Variants in STARD13 observed in about 807,000 individuals in gnomAD.
The protein encoded by STARD13 is StAR related lipid transfer domain containing 13.
A neutral mutation model predicts 106.4 loss-of-function variants in STARD13; 62 were observed. The observed-to-expected ratio is 0.58, with a 90% CI of 0.48 to 0.72. The LOEUF (loss-of-function observed/expected upper bound fraction) is 0.72. STARD13 is among the 30% of genes least tolerant of loss of function. The pLI is 0.00. For missense variants in STARD13, 1,387 were observed against 1,424.0 expected (o/e 0.97, Z 0.42); for synonymous variants, 565 against 553.0 (o/e 1.02, Z -0.31).
the STARD13 span, among the ~76,000 whole-genome samples, chr13:33,467,502 C>T: frequency 1.3e-5 from 2 of 152,162 alleles, no homozygotes; most frequent in African/African-American, 4.8e-5. Context: ...AGGCCATGGA[C>T]TGGTATTTGT....
intron 8 of STARD13, among the ~76,000 whole-genome samples, chr13:33,116,803 C>G (rs112318553): frequency 6.7e-4 from 102 of 152,336 alleles, no homozygotes; most frequent in African/African-American, 2.3e-3. Flanking sequence ...CTTTGAAAAA[C>G]TAATATTTAC....
In STARD13 at chr13:33,109,925, A is replaced by G. The variant is rs1874277737; in HGVS notation, c.2995T>C (p.Tyr999His). 1 of 1,614,118 alleles carries G rather than the reference A, an allele frequency of 6.2e-7. No homozygotes were observed. The highest frequency in any genetic ancestry group is 1.3e-5 in the African/African-American group (1 of 74,938). ...TLDRQTEIYQ[Y>H]VLNSMAPHPS... ...TGGGGAGCCATGCTGTTCAGCACAT[A>G]CTGGTAGATCTCTGTTTGCCTGTCT... The change falls in exon 12 of 14, where the codon TAT becomes CAT. Residue 999 changes from tyrosine (Y) to histidine (H), a missense_variant. Transcript: ENST00000336934.
At chr13:33,438,094 G>A in the STARD13 span, among the ~76,000 whole-genome samples, 35 of 152,132 alleles carry the variant, frequency 2.3e-4, no homozygotes, top group African/African-American at 7.5e-4. Flanking sequence ...AGTCAACTAC[G>A]GTTGTTTCTT....
chr13:33,549,114 A>G, the STARD13 span, among the ~76,000 whole-genome samples: 1 of 152,228 alleles, frequency 6.6e-6, no homozygotes, highest in Non-Finnish European at 1.5e-5. Flanking sequence ...ATTAAAATAA[A>G]ACACAGAAAC....
the STARD13 span, among the ~76,000 whole-genome samples, chr13:33,402,556 AG>A: frequency 6.6e-6 from 1 of 152,226 alleles, no homozygotes; most frequent in Non-Finnish European, 1.5e-5. Flanking sequence ...GACCCTAAGT[AG>A]GAACAGGCAT....
At chr13:33,342,679 C>T (rs906629475) in intron 1 of STARD13, among the ~76,000 whole-genome samples, 49 of 151,946 alleles carry the variant, frequency 3.2e-4, no homozygotes, top group Admixed American at 2.4e-3. Context: ...CACAGAGGCA[C>T]GAGCCACCAT....
At chr13:33,481,937 C>A in the STARD13 span, among the ~76,000 whole-genome samples, 1 of 149,060 alleles carries the variant, frequency 6.7e-6, no homozygotes, top group Non-Finnish European at 1.5e-5. Context: ...GAGCCGAGAT[C>A]GCGCCACTAC....
the STARD13 span, among the ~76,000 whole-genome samples, chr13:33,415,851 C>T: frequency 6.6e-5 from 10 of 152,308 alleles, no homozygotes; most frequent in East Asian, 1.9e-4. Flanking sequence ...TTCTTACTAA[C>T]GCAATCTGTA....
rs769399943 is a variant in STARD13 at position 33,130,288 on chromosome 13, C to T, written c.389G>A (p.Gly130Asp). 5.6e-6 allele frequency: 9 copies of T among 1,598,898 alleles called. No individual in the cohort carries two copies. The South Asian group carries it at 9.9e-5, about 18-fold the overall frequency. Residue 130 changes from glycine (G) to aspartate (D), a missense_variant and splice_region_variant, in exon 5 of 14, where the codon GGT becomes GAT. By Grantham distance (94) the Gly-to-Asp change is moderately conservative (BLOSUM62 -1). Coordinates refer to ENST00000336934, the MANE Select transcript of STARD13 (RefSeq NM_178006.4). This position sits in a 1 kb window ranked among gnomAD's most constrained non-coding sequence, Gnocchi z 4.1. Reference sequence around the variant, plus strand: ...AAGATCTTCCTCATCGGAGTCGTCACCCTGCAGAGCACCAAGGAAAATGCT... The same window carrying T: ...AAGATCTTCCTCATCGGAGTCGTCATCCTGCAGAGCACCAAGGAAAATGCT... ...KLDVNFQRKK[G>D]DDSDEEDLCI...
chr13:33,210,928 A>G (rs369687754), intron 1 of STARD13, among the ~76,000 whole-genome samples: 1 of 152,154 alleles, frequency 6.6e-6, no homozygotes, highest in African/African-American at 2.4e-5. Context: ...TTTTGGTCAT[A>G]TATTTTGGTT....
At chr13:33,164,939 A>G (rs1883149211) in intron 3 of STARD13, among the ~76,000 whole-genome samples, 1 of 152,148 alleles carries the variant, frequency 6.6e-6, no homozygotes, top group South Asian at 2.1e-4. Context: ...CTCACCACAC[A>G]TGCTGAGCCT....
At chr13:33,603,654 T>TA in the STARD13 span, among the ~76,000 whole-genome samples, 1 of 152,004 alleles carries the variant, frequency 6.6e-6, no homozygotes, top group African/African-American at 2.4e-5. Flanking sequence ...CCTGGTCAAT[T>TA]AAAAAAAATT....
chr13:33,559,109 C>A, the STARD13 span, among the ~76,000 whole-genome samples: 10 of 151,644 alleles, frequency 6.6e-5, no homozygotes, highest in Non-Finnish European at 1.0e-4. Context: ...AAATGATTAG[C>A]AAAGACTGTT....
At chr13:33,630,793 CATCCTA>C in the STARD13 span, among the ~76,000 whole-genome samples, 31 of 152,260 alleles carry the variant, frequency 2.0e-4, no homozygotes, top group African/African-American at 7.2e-4. Context: ...TGAGTCCCAC[CATCCTA>C]ATCCTCCTTC....
chr13:33,573,274 G>A, the STARD13 span, among the ~76,000 whole-genome samples: 50 of 152,102 alleles, frequency 3.3e-4, no homozygotes, highest in African/African-American at 1.2e-3. Flanking sequence ...AAGTGTTACT[G>A]TTTGGATTCA....
chr13:33,495,894 A>G, the STARD13 span, among the ~76,000 whole-genome samples: 2 of 144,840 alleles, frequency 1.4e-5, no homozygotes, highest in East Asian at 2.0e-4. Context: ...ATAATTATAT[A>G]TAGTTATGTT....
the STARD13 span, among the ~76,000 whole-genome samples, chr13:33,366,412 T>G: frequency 1.3e-5 from 2 of 152,240 alleles, no homozygotes; most frequent in Non-Finnish European, 2.9e-5. This position sits in a 1 kb window ranked among gnomAD's most constrained non-coding sequence, Gnocchi z 4.2. Context: ...CTCCAAAACT[T>G]TCACTTTATT....
At chr13:33,463,828 G>C in the STARD13 span, among the ~76,000 whole-genome samples, 16 of 151,822 alleles carry the variant, frequency 1.1e-4, no homozygotes, top group Non-Finnish European at 1.9e-4. Context: ...CCTGGCTAAC[G>C]TGTCAAAACC....
chr13:33,391,122 C>T, the STARD13 span, among the ~76,000 whole-genome samples: 2 of 152,080 alleles, frequency 1.3e-5, no homozygotes, highest in Non-Finnish European at 2.9e-5. Flanking sequence ...TAAGAAAATT[C>T]ACCAAGAATA....
Sources: allele counts gnomAD v4.1 joint callset (sites outside exome capture counted in the v4.1 genomes callset), GRCh38; gene constraint gnomAD v4.1.1; non-coding constraint Gnocchi (gnomAD v3.1); transcripts MANE v1.5; gene names NCBI Gene and HGNC (gene_info 2026-07-23, HGNC 2026-07-21).